Variants in MYO5B observed in about 807,000 individuals in gnomAD.
MYO5B encodes the protein unconventional myosin-Vb.
MYO5B carries 143 observed loss-of-function variants against 229.3 expected under a neutral mutation model. The observed-to-expected ratio is 0.62, with a 90% CI of 0.54 to 0.72. The LOEUF (loss-of-function observed/expected upper bound fraction) is 0.72, where lower values mean the gene tolerates loss of function less well. MYO5B is among the 30% of genes least tolerant of loss of function. The pLI, the probability that MYO5B is intolerant of heterozygous loss-of-function variation, is 0.00. For missense variants in MYO5B, 2,321 were observed against 2,331.0 expected (o/e 1.00, Z 0.09); for synonymous variants, 918 against 885.2 (o/e 1.04, Z -0.66).
chr18:50,188,785 T>TAAAAAAAAA (rs4042094), intron 1 of MYO5B, among the ~76,000 whole-genome samples: 13 of 105,146 alleles, frequency 1.2e-4, no homozygotes, highest in Non-Finnish European at 1.5e-4. Context: ...GACTCTGTCA[T>TAAAAAAAAA]AAAAAAAAAA....
chr18:49,949,128 C>T (rs1320845626), intron 14 of MYO5B, among the ~76,000 whole-genome samples: 2 of 152,122 alleles, frequency 1.3e-5, no homozygotes, highest in Non-Finnish European at 1.5e-5. Flanking sequence ...TGTCCCATAG[C>T]CCAGAAATAC....
chr18:49,937,589 T>G lies in MYO5B; in HGVS notation c.1753-192A>C, dbSNP rs79019648. On this transcript the variant is annotated intron_variant, in intron 14 of 39. Transcript: ENST00000285039. ...TAGGAACAACCCAAATACCAACTGA[T>G]GAATGGACAAACAAATGTGGTACCT... is the stretch of plus-strand genomic sequence containing the variant. 3.8e-4 allele frequency among the ~76,000 whole-genome samples: 58 copies of G among 152,258 alleles called. No homozygotes were observed. In the East Asian group the frequency reaches 9.8e-3, roughly 26 times the overall value.
chr18:49,883,802 G>A (rs1265152943), intron 22 of MYO5B, among the ~76,000 whole-genome samples: 1 of 152,146 alleles, frequency 6.6e-6, no homozygotes, highest in Non-Finnish European at 1.5e-5. Context: ...AAACAAAACT[G>A]ACTTTCACAT....
rs2023791280 is a variant in MYO5B, at chr18:49,823,137, T to A, written c.*3334A>T. The A allele has an allele frequency of 1.3e-5, 2 of 152,282 alleles. No homozygotes were observed. The allele number at this position is 152,282 out of a possible 1,614,324, so 9.4% of individuals were successfully genotyped here. ...CCCCTTTGTTAGAATTAGAAATTTT[T>A]TGAAAAACAATCTTTTGTATCTAAT... On this transcript the variant is annotated 3_prime_UTR_variant, in exon 40 of 40. Coordinates refer to ENST00000285039, the MANE Select transcript of MYO5B (RefSeq NM_001080467.3).
At position 49,992,244 on chromosome 18, in the gene MYO5B, T is replaced by C. The variant is rs142629184; in HGVS notation, c.756+44A>G. The C allele has an allele frequency of 2.7e-5, 44 of 1,613,778 alleles. No homozygotes were observed. The African/African-American group carries it at 4.3e-4, about 16-fold the overall frequency. Reference sequence around the variant, plus strand: ...GGGCAGGGAGCAGAAGTAAGGTAATTGTCCATGAGAAATACACAAAAGGGC... The same window carrying C: ...GGGCAGGGAGCAGAAGTAAGGTAATCGTCCATGAGAAATACACAAAAGGGC... On this transcript the variant is annotated intron_variant, in intron 6 of 39. Coordinates refer to ENST00000285039, the MANE Select transcript of MYO5B (RefSeq NM_001080467.3).
At chr18:49,927,926 A>G (rs895088352) in intron 17 of MYO5B, among the ~76,000 whole-genome samples, 1 of 152,266 alleles carries the variant, frequency 6.6e-6, no homozygotes, top group African/African-American at 2.4e-5. Context: ...CTGCACAGCA[A>G]AAGAAATAAT....
chr18:49,934,844 G>A (rs1223087439), intron 16 of MYO5B, among the ~76,000 whole-genome samples: 1 of 152,210 alleles, frequency 6.6e-6, no homozygotes, highest in East Asian at 1.9e-4. Flanking sequence ...TGACCAGAGT[G>A]TAGAAGGCAG....
intron 17 of MYO5B, among the ~76,000 whole-genome samples, chr18:49,915,143 T>C (rs2024998930): frequency 6.6e-6 from 1 of 152,176 alleles, no homozygotes; most frequent in African/African-American, 2.4e-5. Context: ...TTTTCCTTTT[T>C]TTTTCCTCTA....
At chr18:50,054,261 G>A (rs1287566957) in intron 2 of MYO5B, among the ~76,000 whole-genome samples, 1 of 152,202 alleles carries the variant, frequency 6.6e-6, no homozygotes, top group Admixed American at 6.5e-5. Flanking sequence ...CTACTCCAGG[G>A]GCTGAGGCAG....
chr18:49,967,735 T>C (rs1306868010), intron 10 of MYO5B, among the ~76,000 whole-genome samples: 2 of 152,166 alleles, frequency 1.3e-5, no homozygotes, highest in African/African-American at 2.4e-5. Flanking sequence ...ACCCTGGGTC[T>C]GTCAGAGAGG....
chr18:50,026,048 A>T (rs769616765), intron 4 of MYO5B, among the ~76,000 whole-genome samples: 62 of 152,228 alleles, frequency 4.1e-4, no homozygotes, highest in Non-Finnish European at 7.6e-4. Flanking sequence ...TTTTCTTCAC[A>T]TACTCTAGTG....
At chr18:49,854,237 C>G (rs1450614115) in intron 30 of MYO5B, among the ~76,000 whole-genome samples, 1 of 152,134 alleles carries the variant, frequency 6.6e-6, no homozygotes, top group Non-Finnish European at 1.5e-5. Context: ...TTTCCTCCAG[C>G]CAAAAATGAA....
intron 39 of MYO5B, among the ~76,000 whole-genome samples, chr18:49,828,911 T>TA (rs202086160): frequency 5.8e-4 from 85 of 146,948 alleles, no homozygotes; most frequent in Admixed American, 3.4e-4. Context: ...ATGTCTACAT[T>TA]AAAAAAAAAA....
chr18:49,990,423 G>A lies in MYO5B; in HGVS notation c.838+16C>T, dbSNP rs2025917369. The stretch of plus-strand genomic sequence containing the variant: ...GTAGCCCACCCCAGAGGATAGGCAT[G>A]CACCTGTTGACTTACTTAGTGCAAG... On this transcript the variant is annotated intron_variant, in intron 7 of 39. Coordinates refer to ENST00000285039, the MANE Select transcript of MYO5B (RefSeq NM_001080467.3). 5 of 1,607,358 alleles carry A rather than the reference G, an allele frequency of 3.1e-6. No individual in the cohort carries two copies. The African/African-American group carries it at 5.3e-5, about 17-fold the overall frequency.
At chr18:50,178,438 A>G (rs780295435) in intron 1 of MYO5B, among the ~76,000 whole-genome samples, 1 of 152,238 alleles carries the variant, frequency 6.6e-6, no homozygotes. Context: ...TAGTATCCAC[A>G]GTACTCAGCA....
intron 4 of MYO5B, among the ~76,000 whole-genome samples, chr18:50,025,546 G>A (rs2026321351): frequency 6.6e-6 from 1 of 152,222 alleles, no homozygotes; most frequent in South Asian, 2.1e-4. Context: ...TAACTGGTCT[G>A]TTACTGTGCA....
At chr18:50,113,447 G>A (rs962904509) in intron 1 of MYO5B, among the ~76,000 whole-genome samples, 1 of 152,120 alleles carries the variant, frequency 6.6e-6, no homozygotes, top group Non-Finnish European at 1.5e-5. Flanking sequence ...TTAAGATGGG[G>A]GACAACTGAA....
chr18:50,183,325 ATATATATATATATC>A lies in MYO5B; in HGVS notation c.27+11428_27+11441del, dbSNP rs981736597. Among the ~76,000 whole-genome samples, 18 of 142,322 alleles carry A rather than the reference ATATATATATATATC, an allele frequency of 1.3e-4. 2 individuals carry two copies. The highest frequency in any genetic ancestry group is 2.2e-4 in the South Asian group (1 of 4,484). 93.4% of individuals were successfully genotyped at this position (142,322 alleles called of 152,430 possible). A position where few individuals can be genotyped will look rare whatever the true frequency, so the allele number is the denominator to read the frequency against. The stretch of plus-strand genomic sequence containing the variant: ...TTTTATCATATATATATATATATAT[ATATATATATATATC>A]TCCTTCAATACTATTCATTTTGTTT... On this transcript the variant is annotated intron_variant, in intron 1 of 39. Coordinates refer to ENST00000285039, the MANE Select transcript of MYO5B (RefSeq NM_001080467.3).
intron 4 of MYO5B, among the ~76,000 whole-genome samples, chr18:50,007,143 C>T (rs1231211938): frequency 1.3e-5 from 2 of 152,162 alleles, no homozygotes; most frequent in Admixed American, 6.5e-5. Flanking sequence ...TAAATGAGGG[C>T]TCGCTGTTGG....
Sources: gnomAD v4.1 joint callset for allele counts (sites outside exome capture counted in the v4.1 genomes callset) on GRCh38, gnomAD v4.1.1 for gene constraint, MANE v1.5 for transcripts, NCBI Gene and HGNC (gene_info 2026-07-23, HGNC 2026-07-21) for gene names.